FMN1: variants seen among roughly 807,000 people sequenced by gnomAD.
FMN1 encodes the protein formin 1.
Under a neutral mutation model 132.4 loss-of-function variants are expected in FMN1, and 110 were observed. The ratio of observed to expected loss-of-function variants is 0.83; its 90% CI spans 0.71 to 0.97. The LOEUF (loss-of-function observed/expected upper bound fraction) is 0.97, where lower values mean the gene tolerates loss of function less well. FMN1 is among the 50% of genes least tolerant of loss of function. FMN1 has a pLI of 0.00. For synonymous variants in FMN1, 722 were observed against 651.7 expected (o/e 1.11, Z -1.64); for missense variants, 1,792 against 1,705.3 (o/e 1.05, Z -0.90).
In FMN1 at chr15:33,119,854, T is replaced by TA. The variant is rs575324561; in HGVS notation, c.1868-30881dup. Among the ~76,000 whole-genome samples the TA allele has an allele frequency of 1.9e-3, 287 of 152,342 alleles. 2 individuals carry two copies. Among genetic ancestry groups the TA allele is most frequent in the African/African-American group, 6.7e-3 (278 of 41,588 alleles). The stretch of plus-strand genomic sequence containing the variant: ...AAAATGACCTCCCCATCACTAGGTT[T>TA]AGCCTTGCATGTAAACTATGAAAAA... On this transcript the variant is annotated intron_variant, in intron 4 of 20. Coordinates refer to ENST00000616417, the MANE Select transcript of FMN1 (RefSeq NM_001277313.2).
intron 16 of FMN1, among the ~76,000 whole-genome samples, chr15:32,883,478 C>G (rs1403110205): frequency 8.3e-6 from 1 of 120,640 alleles, no homozygotes; most frequent in African/African-American, 3.2e-5. Flanking sequence ...CTGTTACTCT[C>G]AAGCCTGGGC....
At position 32,851,785 on chromosome 15, in the gene FMN1, G is replaced by T. The variant is rs965500728; in HGVS notation, c.3928+5230C>A. Reference sequence around the variant, plus strand: ...CCATCTGAGTGTGGCAACAGGATATGATTTACAGAAGAAAAATTAAATCAT... The same window carrying T: ...CCATCTGAGTGTGGCAACAGGATATTATTTACAGAAGAAAAATTAAATCAT... On this transcript the variant is annotated intron_variant, in intron 17 of 20. Transcript: ENST00000616417. Among the ~76,000 whole-genome samples, 11 of 152,306 alleles carry T rather than the reference G, an allele frequency of 7.2e-5. No homozygotes were observed. In the East Asian group the frequency reaches 1.3e-3, roughly 19 times the overall value.
At chr15:33,185,772 A>T (rs1595614150) in intron 2 of FMN1, among the ~76,000 whole-genome samples, 1 of 151,898 alleles carries the variant, frequency 6.6e-6, no homozygotes, top group Non-Finnish European at 1.5e-5. Context: ...GGGTTTCACC[A>T]TGTTGGCCAG....
intron 6 of FMN1, among the ~76,000 whole-genome samples, chr15:33,034,062 A>G (rs345879): frequency 0.35 from 53,276 of 151,806 alleles, 10,044 homozygotes; most frequent in Admixed American, 0.46. Context: ...CCAGTCTCAA[A>G]GTTTTAAACA....
chr15:32,979,786 G>A (rs1441997763), intron 7 of FMN1, among the ~76,000 whole-genome samples: 1 of 152,008 alleles, frequency 6.6e-6, no homozygotes, highest in African/African-American at 2.4e-5. Flanking sequence ...TCCAGCAAAA[G>A]CATACCAAAG....
chr15:32,826,417 G>C (rs1423172441), intron 17 of FMN1, among the ~76,000 whole-genome samples: 1 of 152,192 alleles, frequency 6.6e-6, no homozygotes, highest in East Asian at 1.9e-4. Context: ...GATTTAAGGA[G>C]AAAGAGGAAA....
chr15:32,927,626 C>G (rs2060994799), intron 9 of FMN1, among the ~76,000 whole-genome samples: 1 of 152,164 alleles, frequency 6.6e-6, no homozygotes, highest in African/African-American at 2.4e-5. Context: ...ACCTCATTGC[C>G]AGTTATTTCA....
At chr15:32,931,795 G>A (rs1005432193) in intron 9 of FMN1, among the ~76,000 whole-genome samples, 4 of 152,016 alleles carry the variant, frequency 2.6e-5, no homozygotes, top group African/African-American at 4.8e-5. Flanking sequence ...AAATGCTTTT[G>A]GTTTTTCAAC....
chr15:32,790,911 C>T (rs28574623), intron 19 of FMN1, among the ~76,000 whole-genome samples: 5,480 of 152,178 alleles, frequency 0.036, 225 homozygotes, highest in African/African-American at 0.094. Context: ...ACTAAAGGAT[C>T]GTAAGAAGAA....
At chr15:33,050,393 AT>A (rs57035093) in intron 6 of FMN1, among the ~76,000 whole-genome samples, 4,110 of 150,412 alleles carry the variant, frequency 0.027, 194 homozygotes, top group African/African-American at 0.094. Flanking sequence ...TGATAAAAGG[AT>A]TTTTTTTTTA....
intron 5 of FMN1, chr15:33,067,645 T>G: frequency 6.2e-7 from 1 of 1,614,028 alleles, no homozygotes. Flanking sequence ...CTGCTTCCTG[T>G]GGATCCAAGC....
intron 7 of FMN1, among the ~76,000 whole-genome samples, chr15:32,990,958 G>A (rs114913644): frequency 0.014 from 2,079 of 152,154 alleles, 42 homozygotes; most frequent in African/African-American, 0.048. Context: ...CCCATGACAC[G>A]TACGGATTAT....
intron 7 of FMN1, among the ~76,000 whole-genome samples, chr15:33,006,757 G>A (rs551108692): frequency 6.6e-6 from 1 of 152,234 alleles, no homozygotes; most frequent in South Asian, 2.1e-4. Context: ...GATGAACCTA[G>A]AGAACATTAT....
At chr15:32,997,491 C>G (rs2033843673) in intron 7 of FMN1, among the ~76,000 whole-genome samples, 1 of 152,104 alleles carries the variant, frequency 6.6e-6, no homozygotes, top group Non-Finnish European at 1.5e-5. Context: ...GTTGATGAAT[C>G]TAGCCATTCT....
At chr15:33,049,561 GA>G (rs2036869817) in intron 6 of FMN1, among the ~76,000 whole-genome samples, 1 of 152,168 alleles carries the variant, frequency 6.6e-6, no homozygotes, top group African/African-American at 2.4e-5. Context: ...TCAAAATTGA[GA>G]AAATGACCAA....
rs142723038 is a variant in FMN1 at position 33,042,186 on chromosome 15, C to T, written c.2161+22771G>A. ...AAAATCCCATTTACAATCAAATATC[C>T]AGAAATAAATCTAAGTGTGCAAAAG... On this transcript the variant is annotated intron_variant, in intron 6 of 20. Transcript: ENST00000616417. 5.7e-3 allele frequency among the ~76,000 whole-genome samples: 866 copies of T among 151,998 alleles called. 9 individuals are homozygous for T. Among genetic ancestry groups the T allele is most frequent in the African/African-American group, 0.02 (839 of 41,480 alleles).
At chr15:32,952,564 T>A (rs1299925611) in intron 9 of FMN1, among the ~76,000 whole-genome samples, 1 of 152,096 alleles carries the variant, frequency 6.6e-6, no homozygotes, top group Non-Finnish European at 1.5e-5. Context: ...GAAAACAAAG[T>A]TTAAAGCTGG....
At chr15:32,987,745 A>G (rs552747488) in intron 7 of FMN1, among the ~76,000 whole-genome samples, 22 of 152,306 alleles carry the variant, frequency 1.4e-4, no homozygotes, top group African/African-American at 5.3e-4. Flanking sequence ...TTTTCACATC[A>G]GTGTAACACA....
chr15:32,815,418 A>G (rs1457092970), intron 17 of FMN1, among the ~76,000 whole-genome samples: 1 of 152,270 alleles, frequency 6.6e-6, no homozygotes, highest in East Asian at 1.9e-4. Flanking sequence ...TGGGTTTCCC[A>G]TAACTGCCTC....
Sources: gnomAD v4.1 joint callset for allele counts (sites outside exome capture counted in the v4.1 genomes callset) on GRCh38, gnomAD v4.1.1 for gene constraint, MANE v1.5 for transcripts, NCBI Gene and HGNC (gene_info 2026-07-23, HGNC 2026-07-21) for gene names.